Variants in NCOA1 observed in about 807,000 individuals in gnomAD.
NCOA1 encodes Hin-2 protein.
NCOA1 carries 35 observed loss-of-function variants against 150.9 expected under a neutral mutation model. That is an observed-to-expected ratio of 0.23 (90% CI 0.18 to 0.31). NCOA1 has a LOEUF of 0.31. Ranked by LOEUF, NCOA1 falls within the 10% of genes least tolerant of loss-of-function variation. The pLI is 1.00. For synonymous variants in NCOA1, 590 were observed against 630.0 expected (o/e 0.94, Z 0.95); for missense variants, 1,491 against 1,749.3 (o/e 0.85, Z 2.63).
intron 22 of NCOA1, among the ~76,000 whole-genome samples, chr2:24,765,125 C>T (rs1370590316): frequency 6.7e-6 from 1 of 148,866 alleles, no homozygotes; most frequent in African/African-American, 2.5e-5. Context: ...TGCAGCGAGC[C>T]GAGATCACAC....
At chr2:24,512,717 A>G (rs960399760) in intron 1 of NCOA1, among the ~76,000 whole-genome samples, 1 of 152,164 alleles carries the variant, frequency 6.6e-6, no homozygotes, top group African/African-American at 2.4e-5. Flanking sequence ...TTTGGGGCTC[A>G]TCTTGAGTTT....
intron 3 of NCOA1, among the ~76,000 whole-genome samples, chr2:24,621,747 T>C (rs1357497246): frequency 6.6e-6 from 1 of 152,186 alleles, no homozygotes; most frequent in Non-Finnish European, 1.5e-5. Context: ...CCCAAAGTGC[T>C]GGGATTACAG....
At chr2:24,639,329 T>A (rs775311729) in intron 3 of NCOA1, among the ~76,000 whole-genome samples, 6 of 152,124 alleles carry the variant, frequency 3.9e-5, no homozygotes, top group Non-Finnish European at 7.4e-5. Flanking sequence ...TTATCTCAGT[T>A]ACTGAATTGA....
At chr2:24,533,503 G>C (rs1467720855) in intron 1 of NCOA1, among the ~76,000 whole-genome samples, 1 of 152,204 alleles carries the variant, frequency 6.6e-6, no homozygotes, top group African/African-American at 2.4e-5. Context: ...AATGGTGAGA[G>C]AGGGCATCTC....
At chr2:24,615,572 G>C (rs1286855640) in intron 3 of NCOA1, among the ~76,000 whole-genome samples, 2 of 152,144 alleles carry the variant, frequency 1.3e-5, no homozygotes, top group Non-Finnish European at 2.9e-5. Flanking sequence ...CTGGTCGATG[G>C]TGCTGGTGGG....
chr2:24,739,345 TA>T, intron 17 of NCOA1, 86 bp from the exon 18 acceptor site: 1 of 953,788 alleles, frequency 1.0e-6, no homozygotes. Flanking sequence ...AACTTTTTAG[TA>T]ATCAATAGAA....
Position 24,707,286 on chromosome 2 carries a change from A to G in NCOA1, c.1816A>G (p.Lys606Glu). 1.2e-6 allele frequency: 2 copies of G among 1,614,236 alleles called. No homozygotes were observed. The highest frequency in any genetic ancestry group is 1.7e-6 in the Non-Finnish European group (2 of 1,180,040). ...IQSDNSSSDG[K>E]PLDSGLLHNN... ...ATCTGACAACAGCTCTAGTGATGGC[A>G]AACCTCTGGATTCAGGGCTTCTGCA... Residue 606 changes from lysine (K) to glutamate (E), a missense_variant, in exon 13 of 23, where the codon AAA becomes GAA. This residue lies in a region of NCOA1 where 703 missense variants were observed against 717.7 expected (regional missense o/e 0.98). Coordinates refer to ENST00000348332, the MANE Select transcript of NCOA1 (RefSeq NM_003743.5).
chr2:24,751,552 C>T (rs2148679042), intron 19 of NCOA1, among the ~76,000 whole-genome samples: 1 of 149,888 alleles, frequency 6.7e-6, no homozygotes, highest in South Asian at 2.1e-4. Context: ...CACTGCACTC[C>T]AGCCTGGGTG....
chr2:24,754,478 T>A (rs1206127013), intron 20 of NCOA1, among the ~76,000 whole-genome samples: 1 of 152,204 alleles, frequency 6.6e-6, no homozygotes, highest in Non-Finnish European at 1.5e-5. Flanking sequence ...TTGCATTTTT[T>A]AATCTCTCTG....
intron 3 of NCOA1, among the ~76,000 whole-genome samples, chr2:24,588,356 G>A (rs1486415029): frequency 1.3e-5 from 2 of 152,116 alleles, no homozygotes; most frequent in African/African-American, 2.4e-5. Flanking sequence ...GATTACAACC[G>A]TGAGCTACTG....
chr2:24,546,020 C>T (rs1430705269), intron 1 of NCOA1, among the ~76,000 whole-genome samples: 1 of 152,096 alleles, frequency 6.6e-6, no homozygotes, highest in African/African-American at 2.4e-5. Flanking sequence ...AACTCCTGAC[C>T]TCAGGTGATC....
At chr2:24,650,583 T>G (rs991755270) in intron 4 of NCOA1, among the ~76,000 whole-genome samples, 5 of 152,062 alleles carry the variant, frequency 3.3e-5, no homozygotes, top group African/African-American at 1.2e-4. Flanking sequence ...AAAAGACAAG[T>G]TAAACCCAAC....
At chr2:24,499,660 T>C (rs1197415022) in intron 1 of NCOA1, among the ~76,000 whole-genome samples, 2 of 152,264 alleles carry the variant, frequency 1.3e-5, no homozygotes, top group Admixed American at 1.3e-4. Flanking sequence ...TATCTGACTG[T>C]ATAAATGAGA....
rs1408551402 is a variant in NCOA1, at chr2:24,768,258, G to A, written c.4193G>A (p.Cys1398Tyr). The change falls in exon 23 of 23, where the codon TGT (cysteine) becomes TAT (tyrosine). Residue 1398 changes from cysteine (C) to tyrosine (Y), a missense_variant. Cys to Tyr is a radical substitution (Grantham distance 194). This residue lies in a region of NCOA1 where 46 missense variants were observed against 78.8 expected (regional missense o/e 0.58). Transcript: ENST00000348332. ...QQVQVFADVQ[C>Y]TVNLVGGDPY... ...GTTCAGGTGTTTGCTGACGTCCAGT[G>A]TACAGTGAATCTGGTAGGCGGGGAC... The A allele has an allele frequency of 6.2e-7, 1 of 1,613,794 alleles. No individual in the cohort carries two copies. Among genetic ancestry groups the A allele is most frequent in the Non-Finnish European group, 8.5e-7 (1 of 1,179,906 alleles).
chr2:24,609,668 T>C (rs937900443), intron 3 of NCOA1, among the ~76,000 whole-genome samples: 1 of 152,114 alleles, frequency 6.6e-6, no homozygotes, highest in Non-Finnish European at 1.5e-5. Context: ...GGTTTAATTA[T>C]TCTCTTTATT....
chr2:24,708,604 AT>A (rs1280689777), intron 13 of NCOA1, among the ~76,000 whole-genome samples: 2 of 152,178 alleles, frequency 1.3e-5, no homozygotes, highest in African/African-American at 4.8e-5. Context: ...TTAAAAAAAA[AT>A]ATGGCCCTTC....
At chr2:24,567,035 G>A (rs541125905) in intron 2 of NCOA1, among the ~76,000 whole-genome samples, 2 of 152,356 alleles carry the variant, frequency 1.3e-5, no homozygotes, top group South Asian at 4.1e-4. Flanking sequence ...GGAGCACACA[G>A]CCCTTCCTAC....
At chr2:24,523,924 CAAAAAAA>C (rs70947825) in intron 1 of NCOA1, among the ~76,000 whole-genome samples, 55 of 49,532 alleles carry the variant, frequency 1.1e-3, no homozygotes, top group African/African-American at 5.2e-3. Flanking sequence ...GACTCTGTCT[CAAAAAAA>C]AAAAAAAAAA....
chr2:24,644,974 G>A (rs1670403333), intron 4 of NCOA1, among the ~76,000 whole-genome samples: 1 of 152,040 alleles, frequency 6.6e-6, no homozygotes, highest in Non-Finnish European at 1.5e-5. Context: ...TTGTCACTAT[G>A]GAGAGTGATA....
Sources: allele counts gnomAD v4.1 joint callset (sites outside exome capture counted in the v4.1 genomes callset), GRCh38; gene constraint gnomAD v4.1.1; regional missense constraint gnomAD v4.1.1; transcripts MANE v1.5; gene names NCBI Gene and HGNC (gene_info 2026-07-23, HGNC 2026-07-21).